The following LPP variants were observed in gnomAD, a reference collection of about 807,000 sequenced individuals.
LPP encodes LIM domain containing preferred translocation partner in lipoma, also known as lipoma-preferred partner.
Under a neutral mutation model 60.4 loss-of-function variants are expected in LPP, and 38 were observed. That is an observed-to-expected ratio of 0.63 (90% CI 0.49 to 0.83). LPP has a LOEUF of 0.83. Among genes scored for constraint, LPP ranks in the 40% least tolerant of loss-of-function variants. LPP has a pLI of 0.00. For missense variants in LPP, 902 were observed against 783.6 expected (o/e 1.15, Z -1.80); for synonymous variants, 328 against 290.8 (o/e 1.13, Z -1.30).
chr3:188,718,410 T>C (rs933460303), intron 8 of LPP, among the ~76,000 whole-genome samples: 1 of 152,324 alleles, frequency 6.6e-6, no homozygotes, highest in Non-Finnish European at 1.5e-5. Context: ...ATCCACCTTA[T>C]TCAAACATAA....
chr3:188,260,783 A>G (rs1427434966), intron 2 of LPP, among the ~76,000 whole-genome samples: 2 of 152,194 alleles, frequency 1.3e-5, no homozygotes, highest in Non-Finnish European at 2.9e-5. Context: ...CTGTAATCCC[A>G]GCACTTTGGG....
chr3:188,612,053 G>A (rs1229546680), intron 7 of LPP, among the ~76,000 whole-genome samples: 1 of 152,154 alleles, frequency 6.6e-6, no homozygotes, highest in Non-Finnish European at 1.5e-5. Flanking sequence ...TCTATTAGAT[G>A]ATTACAGATT....
chr3:188,287,950 A>G (rs1056933357), intron 2 of LPP, among the ~76,000 whole-genome samples: 1 of 152,178 alleles, frequency 6.6e-6, no homozygotes, highest in Admixed American at 6.5e-5. Flanking sequence ...TGGATGTACC[A>G]TCCTCCCAGG....
intron 7 of LPP, among the ~76,000 whole-genome samples, chr3:188,619,216 G>C (rs1324894425): frequency 6.6e-6 from 1 of 152,096 alleles, no homozygotes; most frequent in African/African-American, 2.4e-5. Flanking sequence ...GTAGAGACGG[G>C]GTTTTACCAT....
intron 3 of LPP, among the ~76,000 whole-genome samples, chr3:188,373,353 T>A (rs961518164): frequency 1.3e-5 from 2 of 152,242 alleles, no homozygotes; most frequent in African/African-American, 4.8e-5. Context: ...TTTCTCCACA[T>A]CTTCTCCAGC....
At chr3:188,607,592 C>G (rs539590042) in intron 6 of LPP, among the ~76,000 whole-genome samples, 2 of 151,822 alleles carry the variant, frequency 1.3e-5, no homozygotes, top group African/African-American at 4.8e-5. Flanking sequence ...TTTCTACTTA[C>G]TGGATTATTT....
chr3:188,590,734 C>T (rs1399006407), intron 6 of LPP, among the ~76,000 whole-genome samples: 1 of 152,140 alleles, frequency 6.6e-6, no homozygotes, highest in African/African-American at 2.4e-5. Context: ...GGAGGGCTCA[C>T]CAACCTCCCA....
At chr3:188,290,348 C>T (rs978513993) in intron 2 of LPP, among the ~76,000 whole-genome samples, 3 of 152,038 alleles carry the variant, frequency 2.0e-5, no homozygotes, top group African/African-American at 7.2e-5. Flanking sequence ...TCCATCCTAC[C>T]ACATAATATC....
intron 1 of LPP, among the ~76,000 whole-genome samples, chr3:188,190,980 C>T (rs2148993781): frequency 6.6e-6 from 1 of 152,300 alleles, no homozygotes; most frequent in East Asian, 1.9e-4. Context: ...GCCTGTAATC[C>T]CAGCACTTTG....
chr3:188,166,820 GAA>G (rs1720100045), intron 1 of LPP, among the ~76,000 whole-genome samples: 4 of 20,878 alleles, frequency 1.9e-4, no homozygotes, highest in Admixed American at 6.6e-4. Context: ...ATGAACATAT[GAA>G]TGAATGAATG....
At chr3:188,454,241 C>G (rs112499318) in intron 4 of LPP, among the ~76,000 whole-genome samples, 1 of 152,246 alleles carries the variant, frequency 6.6e-6, no homozygotes, top group South Asian at 2.1e-4. Flanking sequence ...TTGTAACTGC[C>G]GTGCAATGCT....
intron 1 of LPP, among the ~76,000 whole-genome samples, chr3:188,157,402 G>A (rs1025050319): frequency 6.6e-6 from 1 of 152,146 alleles, no homozygotes; most frequent in Non-Finnish European, 1.5e-5. Flanking sequence ...TGGGGCAAGA[G>A]TTAGATCGGA....
chr3:188,445,536 T>C (rs1795024438), intron 4 of LPP, among the ~76,000 whole-genome samples: 2 of 152,012 alleles, frequency 1.3e-5, no homozygotes, highest in South Asian at 2.1e-4. Flanking sequence ...ATACCTAATG[T>C]AGATGACAGG....
At chr3:188,169,912 T>C (rs1721057756) in intron 1 of LPP, among the ~76,000 whole-genome samples, 1 of 152,178 alleles carries the variant, frequency 6.6e-6, no homozygotes. Flanking sequence ...ATAGAGTCTT[T>C]TAACTGGAGT....
chr3:188,305,083 T>C (rs1751084024), intron 2 of LPP, among the ~76,000 whole-genome samples: 1 of 152,342 alleles, frequency 6.6e-6, no homozygotes, highest in African/African-American at 2.4e-5. Flanking sequence ...TTTTTATTTC[T>C]TCTGCATTAT....
At chr3:188,537,445 A>G (rs1386805372) in intron 6 of LPP, among the ~76,000 whole-genome samples, 1 of 152,188 alleles carries the variant, frequency 6.6e-6, no homozygotes, top group Admixed American at 6.5e-5. Context: ...GAGAAGTGAG[A>G]TGGGATTCAA....
At chr3:188,608,050 C>T (rs532072190) in intron 6 of LPP, among the ~76,000 whole-genome samples, 4 of 152,108 alleles carry the variant, frequency 2.6e-5, no homozygotes, top group African/African-American at 7.2e-5. Context: ...CTCTCCCTGT[C>T]CCCCAGTCTG....
In LPP at chr3:188,610,500, G is replaced by A. The variant is rs773317395; in HGVS notation, c.1113+656G>A. Among the ~76,000 whole-genome samples the A allele has an allele frequency of 2.0e-5, 3 of 152,192 alleles. No individual in the cohort carries two copies. Among genetic ancestry groups the A allele is most frequent in the Non-Finnish European group, 4.4e-5 (3 of 68,034 alleles). The stretch of plus-strand genomic sequence containing the variant: ...GGCTGCAGTATAATGCAGCTTGTTT[G>A]TGACCCCTTGTTTATTCATTTTACT... On this transcript the variant is annotated intron_variant, in intron 7 of 11. Coordinates refer to ENST00000617246, the MANE Select transcript of LPP (RefSeq NM_001375462.1). This position sits in a 1 kb window ranked among gnomAD's most constrained non-coding sequence, Gnocchi z 4.4.
chr3:188,362,892 A>G (rs976767628), intron 3 of LPP, among the ~76,000 whole-genome samples: 1 of 152,232 alleles, frequency 6.6e-6, no homozygotes, highest in Admixed American at 6.5e-5. Context: ...ATGTAATCTA[A>G]GTTCACATCA....
Sources: gnomAD v4.1 joint callset for allele counts (sites outside exome capture counted in the v4.1 genomes callset) on GRCh38, gnomAD v4.1.1 for gene constraint, Gnocchi (gnomAD v3.1) non-coding constraint, MANE v1.5 for transcripts, NCBI Gene and HGNC (gene_info 2026-07-23, HGNC 2026-07-21) for gene names.